FARP2: variants seen among roughly 807,000 people sequenced by gnomAD.
FARP2 encodes FERM, ARHGEF and pleckstrin domain-containing protein 2.
In FARP2, 111 loss-of-function variants were observed where a neutral mutation model predicts 130.5. The observed-to-expected ratio is 0.85, with a 90% CI of 0.73 to 1.00. The LOEUF is 1.00. FARP2 is among the 50% of genes least tolerant of loss of function. The pLI, the probability that FARP2 is intolerant of heterozygous loss-of-function variation, is 0.00. For synonymous variants in FARP2, 504 were observed against 516.9 expected (o/e 0.98, Z 0.34); for missense variants, 1,385 against 1,346.3 (o/e 1.03, Z -0.45).
At position 241,494,174 on chromosome 2, in the gene FARP2, C is replaced by G; in HGVS notation, c.*49C>G. 8.4e-7 allele frequency: 1 copy of G among 1,186,362 alleles called. No individual in the cohort carries two copies. Among genetic ancestry groups the G allele is most frequent in the South Asian group, 1.8e-5 (1 of 55,596 alleles). The allele number at this position is 1,186,362 out of a possible 1,614,324, so 73.5% of individuals were successfully genotyped here. ...CACAACTACAAAGAACAGCAGGACA[C>G]AGAGGTGACCTCTGTCCTGAGGCTT... On this transcript the variant is annotated 3_prime_UTR_variant, in exon 27 of 27. Transcript: ENST00000264042. The surrounding 1 kb of genome is among the most constrained non-coding windows in gnomAD (Gnocchi z 4.9).
chr2:241,477,555 T>C (rs1011059678), intron 19 of FARP2, among the ~76,000 whole-genome samples: 1 of 152,262 alleles, frequency 6.6e-6, no homozygotes, highest in Non-Finnish European at 1.5e-5. Context: ...TGGACGTTCA[T>C]GTACAAGTTT....
chr2:241,465,783 C>A (rs1412634505), intron 17 of FARP2: 15 of 1,550,294 alleles, frequency 9.7e-6, no homozygotes, highest in Non-Finnish European at 1.3e-5. Context: ...CTCCATCCCT[C>A]GCCTGTCCCA....
At chr2:241,439,545 G>A (rs1559771248) in intron 12 of FARP2, among the ~76,000 whole-genome samples, 1 of 152,040 alleles carries the variant, frequency 6.6e-6, no homozygotes, top group Non-Finnish European at 1.5e-5. Flanking sequence ...TAGCCAGGAT[G>A]GTCTTGATCT....
At chr2:241,409,070 A>G (rs1266252589) in intron 5 of FARP2, among the ~76,000 whole-genome samples, 2 of 151,938 alleles carry the variant, frequency 1.3e-5, no homozygotes, top group Non-Finnish European at 2.9e-5. Context: ...ATAGATAGAT[A>G]GATAGATACC....
Position 241,441,243 on chromosome 2 carries a change from A to G in FARP2, c.1159-61A>G, listed in dbSNP as rs552130556. On this transcript the variant is annotated intron_variant, in intron 12 of 26. Coordinates refer to ENST00000264042, the MANE Select transcript of FARP2 (RefSeq NM_014808.4). ...CTAAGTTAGGCCAGGTGGCTTTGCAACTTCTAGTGGTAATTTGTAATTTTA... is the reference window on the plus strand; with the variant it reads ...CTAAGTTAGGCCAGGTGGCTTTGCAGCTTCTAGTGGTAATTTGTAATTTTA... The G allele has an allele frequency of 4.0e-6, 6 of 1,503,604 alleles. No homozygotes were observed. The Admixed American group carries it at 6.7e-5, about 17-fold the overall frequency. The allele number at this position is 1,503,604 out of a possible 1,614,324, so 93.1% of individuals were successfully genotyped here. A position where few individuals can be genotyped will look rare whatever the true frequency, so the allele number is the denominator to read the frequency against.
At chr2:241,441,766 G>A in intron 13 of FARP2, 1 of 684,820 alleles carries the variant, frequency 1.5e-6, no homozygotes, top group Non-Finnish European at 2.5e-6. Flanking sequence ...GGGGGCCCCT[G>A]CTTTCACATT....
At chr2:241,422,275 A>AT (rs956267026) in intron 8 of FARP2, among the ~76,000 whole-genome samples, 6 of 151,396 alleles carry the variant, frequency 4.0e-5, no homozygotes, top group Non-Finnish European at 8.8e-5. Context: ...AAAAAAAAAA[A>AT]AAAAATTAAC....
rs2062436497 is a variant in FARP2 at position 241,408,934 on chromosome 2, G to A, written c.410+1319G>A. ...CAAAGATGGCAAAAAGTATTTTTAT[G>A]AGTGACCATAGATCTTAATAGTGTA... On this transcript the variant is annotated intron_variant, in intron 5 of 26. Coordinates refer to ENST00000264042, the MANE Select transcript of FARP2 (RefSeq NM_014808.4). Among the ~76,000 whole-genome samples, 3 of 152,064 alleles carry A rather than the reference G, an allele frequency of 2.0e-5. No homozygotes were observed. In the South Asian group the frequency reaches 6.2e-4, roughly 32 times the overall value.
intron 19 of FARP2, 116 bp downstream of exon 19, chr2:241,476,103 T>A: frequency 1.1e-6 from 1 of 930,074 alleles, no homozygotes; most frequent in Non-Finnish European, 1.6e-6. Flanking sequence ...CCAGGCACAG[T>A]GGCTCATACC....
rs1395455334 is a variant in FARP2, at chr2:241,475,102, T to C, written c.2132-755T>C. Among the ~76,000 whole-genome samples the C allele has an allele frequency of 3.9e-5, 6 of 152,270 alleles. No homozygotes were observed. Among genetic ancestry groups the C allele is most frequent in the Non-Finnish European group, 8.8e-5 (6 of 68,052 alleles). ...TTAAAAGAGAAAGTTACAATTGCTTTGAAGGTGCAAATCATTTAGCCTTTA... is the reference window on the plus strand; with the variant it reads ...TTAAAAGAGAAAGTTACAATTGCTTCGAAGGTGCAAATCATTTAGCCTTTA... On this transcript the variant is annotated intron_variant, in intron 18 of 26. Coordinates refer to ENST00000264042, the MANE Select transcript of FARP2 (RefSeq NM_014808.4). This position sits in a 1 kb window ranked among gnomAD's most constrained non-coding sequence, Gnocchi z 4.4.
At chr2:241,366,104 A>AATATATATAT (rs1553705629) in intron 1 of FARP2, among the ~76,000 whole-genome samples, 2 of 57,012 alleles carry the variant, frequency 3.5e-5, no homozygotes, top group African/African-American at 1.3e-4. Context: ...AAAAAAAAAA[A>AATATATATAT]ATATATATAT....
chr2:241,411,205 G>A, intron 6 of FARP2, 75 bp downstream of exon 6: 1 of 1,003,396 alleles, frequency 1.0e-6, no homozygotes, highest in African/African-American at 1.6e-5. Context: ...ACTACAATTA[G>A]TTGCTGATGT....
chr2:241,448,426 C>A (rs2063565760), intron 13 of FARP2, among the ~76,000 whole-genome samples: 1 of 152,240 alleles, frequency 6.6e-6, no homozygotes, highest in Non-Finnish European at 1.5e-5. Flanking sequence ...ATATTTCTTT[C>A]CTAATCCTAA....
intron 12 of FARP2, among the ~76,000 whole-genome samples, chr2:241,440,371 C>T (rs73004379): frequency 0.018 from 2,747 of 152,250 alleles, 43 homozygotes; most frequent in Non-Finnish European, 0.027. Flanking sequence ...GGGGCTCAGC[C>T]GTGTCCTTGT....
At chr2:241,442,719 G>A (rs972336954) in intron 13 of FARP2, 9 of 340,332 alleles carry the variant, frequency 2.6e-5, no homozygotes, top group Admixed American at 2.5e-4. Context: ...TTGGAATGAC[G>A]TAAAAGCTAT....
At chr2:241,383,335 A>G (rs1300486993) in intron 2 of FARP2, among the ~76,000 whole-genome samples, 1 of 152,264 alleles carries the variant, frequency 6.6e-6, no homozygotes, top group Non-Finnish European at 1.5e-5. Flanking sequence ...AGCTGCGCTC[A>G]GATGGAGATC....
intron 1 of FARP2, among the ~76,000 whole-genome samples, chr2:241,368,832 G>A (rs1447067535): frequency 1.3e-5 from 2 of 152,084 alleles, no homozygotes; most frequent in Non-Finnish European, 2.9e-5. Context: ...TTAAACTTAA[G>A]TCTTAGTCTT....
intron 13 of FARP2, 99 bp downstream of exon 13, chr2:241,441,655 G>T (rs1054098935): frequency 3.6e-5 from 55 of 1,528,716 alleles, no homozygotes; most frequent in Non-Finnish European, 5.0e-5. Context: ...GGCCGGTAGG[G>T]AGCTCAGCGC....
chr2:241,387,790 C>CAA (rs200728771), intron 2 of FARP2, among the ~76,000 whole-genome samples: 5 of 93,848 alleles, frequency 5.3e-5, no homozygotes, highest in Non-Finnish European at 8.6e-5. Flanking sequence ...GAGACTGTCT[C>CAA]AAAAAAAAAA....
Sources: gnomAD v4.1 joint callset for allele counts (sites outside exome capture counted in the v4.1 genomes callset) on GRCh38, gnomAD v4.1.1 for gene constraint, Gnocchi (gnomAD v3.1) non-coding constraint, MANE v1.5 for transcripts, NCBI Gene and HGNC (gene_info 2026-07-23, HGNC 2026-07-21) for gene names.